SMAD6: variants seen among roughly 807,000 people sequenced by gnomAD.
The protein encoded by SMAD6 is SMAD family member 6, also known as MAD homolog 6.
SMAD6 carries 103 observed loss-of-function variants against 39.4 expected under a neutral mutation model. The observed-to-expected ratio is 2.62, with a 90% CI of 2.23 to 3.08. The LOEUF is 3.08. SMAD6 is among the 30% of genes most tolerant of loss of function. The pLI, the probability that SMAD6 is intolerant of heterozygous loss-of-function variation, is 0.00. For missense variants in SMAD6, 1,104 were observed against 742.9 expected, an observed-to-expected ratio of 1.49 and a Z score of -5.65; for synonymous variants, 445 against 353.3, an observed-to-expected ratio of 1.26 and a Z score of -2.91.
rs942896922 is a variant in SMAD6, at chr15:66,744,408, T to C, written c.952+27910T>C. ...GTGCCTCAAGGGGGAAGATAACACGTGTCAGGACACCTGGCAAACACCTGG... is the reference window on the plus strand; with the variant it reads ...GTGCCTCAAGGGGGAAGATAACACGCGTCAGGACACCTGGCAAACACCTGG... On this transcript the variant is annotated intron_variant, in intron 3 of 3. Coordinates refer to ENST00000288840, the MANE Select transcript of SMAD6 (RefSeq NM_005585.5). Among the ~76,000 whole-genome samples the C allele has an allele frequency of 2.0e-5, 3 of 152,154 alleles. No individual in the cohort carries two copies. The South Asian group carries it at 6.2e-4, about 31-fold the overall frequency.
At chr15:66,745,835 T>C (rs756994118) in intron 3 of SMAD6, among the ~76,000 whole-genome samples, 1 of 152,228 alleles carries the variant, frequency 6.6e-6, no homozygotes, top group African/African-American at 2.4e-5. Context: ...TTTCCACCTC[T>C]GTTTCTCTTT....
intron 3 of SMAD6, among the ~76,000 whole-genome samples, chr15:66,752,073 A>G (rs1324677783): frequency 7.0e-6 from 1 of 143,094 alleles, no homozygotes; most frequent in East Asian, 2.0e-4. Flanking sequence ...GCAGTTAATA[A>G]TCCAGCTTTT....
rs1389651683 is a variant in SMAD6, at chr15:66,781,134, A to T, written c.1090A>T (p.Ser364Cys). 6.2e-7 allele frequency: 1 copy of T among 1,608,724 alleles called. No individual in the cohort carries two copies. The highest frequency in any genetic ancestry group is 1.7e-5 in the Admixed American group (1 of 60,006). The change falls in exon 4 of 4, where the codon AGC becomes TGC. Residue 364 changes from serine (S) to cysteine (C), a missense_variant. Coordinates refer to ENST00000288840, the MANE Select transcript of SMAD6 (RefSeq NM_005585.5). Reference sequence around the variant, plus strand: ...CATCTTCTACGACCTACCTCAGGGCAGCGGCTTCTGCCTGGGCCAGCTCAA... The same window carrying T: ...CATCTTCTACGACCTACCTCAGGGCTGCGGCTTCTGCCTGGGCCAGCTCAA... The part of the protein sequence containing the change: ...VSIFYDLPQG[S>C]GFCLGQLNLE...
intron 1 of SMAD6, chr15:66,705,517 T>G (rs1275894879): frequency 6.6e-6 from 1 of 152,034 alleles, no homozygotes; most frequent in African/African-American, 2.4e-5. Flanking sequence ...GACTCCCCAC[T>G]GCCTCTGGGG....
intron 3 of SMAD6, among the ~76,000 whole-genome samples, chr15:66,767,874 T>C (rs1461832383): frequency 6.6e-6 from 1 of 151,658 alleles, no homozygotes; most frequent in East Asian, 1.9e-4. Flanking sequence ...AAGGCTATTT[T>C]AAAGGAAAGG....
At chr15:66,741,999 T>TG (rs1221052743) in intron 3 of SMAD6, among the ~76,000 whole-genome samples, 1 of 152,168 alleles carries the variant, frequency 6.6e-6, no homozygotes, top group Admixed American at 6.5e-5. Flanking sequence ...GAAGCCAGAC[T>TG]GGGGGAGAGA....
intron 2 of SMAD6, among the ~76,000 whole-genome samples, chr15:66,715,482 C>T (rs921572810): frequency 6.6e-5 from 10 of 152,122 alleles, no homozygotes; most frequent in African/African-American, 1.9e-4. Flanking sequence ...TGGAGCCACC[C>T]GAGCCAGTCC....
intron 2 of SMAD6, among the ~76,000 whole-genome samples, chr15:66,713,829 A>G (rs975824081): frequency 1.3e-5 from 2 of 152,168 alleles, no homozygotes; most frequent in African/African-American, 4.8e-5. Context: ...CAGAAGTAGG[A>G]TTGTCCCATG....
chr15:66,705,950 A>C (rs1355590615), intron 1 of SMAD6: 2 of 153,290 alleles, frequency 1.3e-5, no homozygotes, highest in East Asian at 3.8e-4. Flanking sequence ...AGAGGGAGCC[A>C]GCCAGCTCAG....
At chr15:66,739,925 C>T (rs780815010) in intron 3 of SMAD6, among the ~76,000 whole-genome samples, 1 of 152,228 alleles carries the variant, frequency 6.6e-6, no homozygotes, top group Non-Finnish European at 1.5e-5. Context: ...CAGGAACGCA[C>T]CACTGCACCT....
At chr15:66,767,805 C>T (rs748109841) in intron 3 of SMAD6, among the ~76,000 whole-genome samples, 4 of 152,106 alleles carry the variant, frequency 2.6e-5, no homozygotes, top group South Asian at 4.1e-4. Context: ...TAAGAAAATT[C>T]AGTATATAGG....
rs1263899491 is a variant in SMAD6, at chr15:66,704,096, G to C, written c.817+21G>C. 4.3e-6 allele frequency: 6 copies of C among 1,406,894 alleles called. No homozygotes were observed. The South Asian group carries it at 7.3e-5, about 17-fold the overall frequency. The allele number at this position is 1,406,894 out of a possible 1,614,324, so 87.2% of individuals were successfully genotyped here. A position where few individuals can be genotyped will look rare whatever the true frequency, so the allele number is the denominator to read the frequency against. ...GCCCGGTGAGCGCGCTGCGCCGGCC[G>C]GGGGGGCCCCGGGTCCCCGTCCCCA... On this transcript the variant is annotated intron_variant, in intron 1 of 3. Transcript: ENST00000288840.
chr15:66,768,981 GA>G (rs1260046298), intron 3 of SMAD6, among the ~76,000 whole-genome samples: 1 of 152,206 alleles, frequency 6.6e-6, no homozygotes, highest in East Asian at 1.9e-4. Context: ...TGTCACAGAA[GA>G]GGGGTGTGTG....
chr15:66,734,317 G>A (rs957998074), intron 3 of SMAD6, among the ~76,000 whole-genome samples: 9 of 152,196 alleles, frequency 5.9e-5, no homozygotes, highest in Admixed American at 1.3e-4. Flanking sequence ...TTCTGGGCAT[G>A]GCAAGGGGAA....
chr15:66,777,920 A>G (rs1595802687), intron 3 of SMAD6, among the ~76,000 whole-genome samples: 1 of 152,284 alleles, frequency 6.6e-6, no homozygotes, highest in Admixed American at 6.5e-5. Flanking sequence ...CTATGGGTTC[A>G]TCCCCAGTCA....
At chr15:66,754,816 G>T (rs1160991717) in intron 3 of SMAD6, among the ~76,000 whole-genome samples, 1 of 152,174 alleles carries the variant, frequency 6.6e-6, no homozygotes, top group African/African-American at 2.4e-5. Flanking sequence ...ACAGTGAAAA[G>T]GACAGAATGA....
chr15:66,738,945 T>G (rs140056004), intron 3 of SMAD6, among the ~76,000 whole-genome samples: 2 of 152,286 alleles, frequency 1.3e-5, no homozygotes, highest in East Asian at 3.9e-4. Context: ...GGCCCTCATC[T>G]GGCTGCAAAT....
At chr15:66,771,019 C>T (rs1243744150) in intron 3 of SMAD6, among the ~76,000 whole-genome samples, 3 of 152,338 alleles carry the variant, frequency 2.0e-5, no homozygotes, top group Non-Finnish European at 4.4e-5. Flanking sequence ...GCTTGTACCA[C>T]AGAGCCCCGG....
At chr15:66,729,501 CCAGGA>C (rs1212194711) in intron 3 of SMAD6, among the ~76,000 whole-genome samples, 1 of 152,156 alleles carries the variant, frequency 6.6e-6, no homozygotes, top group Admixed American at 6.5e-5. Flanking sequence ...AAGATTGTCC[CCAGGA>C]CACACAGACG....
Sources: gnomAD v4.1 joint callset for allele counts (sites outside exome capture counted in the v4.1 genomes callset) on GRCh38, gnomAD v4.1.1 for gene constraint, MANE v1.5 for transcripts, NCBI Gene and HGNC (gene_info 2026-07-23, HGNC 2026-07-21) for gene names.